Variants in ADAM19 observed in about 807,000 individuals in gnomAD.
ADAM19 encodes the protein ADAM metallopeptidase domain 19, also known as disintegrin and metalloproteinase domain-containing protein 19.
A neutral mutation model predicts 114.7 loss-of-function variants in ADAM19; 65 were observed. That is an observed-to-expected ratio of 0.57 (90% confidence interval 0.46 to 0.70). The LOEUF is 0.70. Ranked by LOEUF, ADAM19 falls within the 30% of genes least tolerant of loss-of-function variation. ADAM19 has a pLI of 0.00. For synonymous variants in ADAM19, 466 were observed against 460.5 expected (o/e 1.01, Z -0.15); for missense variants, 1,063 against 1,204.7 (o/e 0.88, Z 1.74).
chr5:157,545,695 T>C (rs1168859864), intron 3 of ADAM19, among the ~76,000 whole-genome samples: 1 of 152,210 alleles, frequency 6.6e-6, no homozygotes, highest in East Asian at 1.9e-4. Context: ...TTGCCCAGCA[T>C]CACACAGTTT....
At chr5:157,519,266 T>G (rs1399130123) in intron 6 of ADAM19, among the ~76,000 whole-genome samples, 3 of 152,242 alleles carry the variant, frequency 2.0e-5, no homozygotes, top group African/African-American at 7.2e-5. Context: ...GAGGACTGTG[T>G]GCATATGGTG....
chr5:157,565,948 AAAAT>A (rs1384824523), intron 2 of ADAM19: 1 of 151,964 alleles, frequency 6.6e-6, no homozygotes, highest in Non-Finnish European at 1.5e-5. Flanking sequence ...GTCTCTACTA[AAAAT>A]ATAAAAATTA....
rs10063366 is a variant in ADAM19, at chr5:157,491,934, C to T, written c.1909-22G>A. 1,463 of 1,612,922 alleles carry T rather than the reference C, an allele frequency of 9.1e-4. 11 individuals carry two copies. In the African/African-American group the frequency reaches 0.014, roughly 16 times the overall value. ...AAATCTGCACGGAGAGAAAACAGAA[C>T]GATCAGTGCAATGGGAGGGATGCTG... On this transcript the variant is annotated intron_variant, in intron 16 of 22. Transcript: ENST00000257527.
intron 1 of ADAM19, among the ~76,000 whole-genome samples, chr5:157,571,797 G>A (rs1376590070): frequency 1.3e-5 from 2 of 152,116 alleles, no homozygotes; most frequent in Non-Finnish European, 2.9e-5. Context: ...GTGGGATTCT[G>A]GGCATATTCT....
intron 3 of ADAM19, among the ~76,000 whole-genome samples, chr5:157,552,590 A>G (rs1757230759): frequency 6.7e-6 from 1 of 150,272 alleles, no homozygotes; most frequent in African/African-American, 2.4e-5. Flanking sequence ...GAGACAGGAG[A>G]ATTGCTTGAA....
intron 22 of ADAM19, 21 bp from the exon 23 acceptor site, chr5:157,481,023 G>T (rs1412588292): frequency 1.2e-6 from 2 of 1,614,032 alleles, no homozygotes; most frequent in East Asian, 2.2e-5. Context: ...AAAGAAGGGA[G>T]GGAGAGAGAC....
chr5:157,488,373 A>T lies in ADAM19; in HGVS notation c.2442T>A (p.Ala814=). ...ACCCGGGCCCTGGGGAGTTCCTAGCAGCCCTGCTCAGGTGAGCTGGCAGTG... is the reference window on the plus strand; with the variant it reads ...ACCCGGGCCCTGGGGAGTTCCTAGCTGCCCTGCTCAGGTGAGCTGGCAGTG... The part of the protein sequence containing the change: ...PAPLPAHLSR[A]ARNSPGPGSQ... Residue 814 remains alanine (A), a synonymous_variant, in exon 21 of 23, where the codon GCT becomes GCA. Transcript: ENST00000257527. 1.9e-6 allele frequency: 3 copies of T among 1,614,170 alleles called. No individual in the cohort carries two copies. The highest frequency in any genetic ancestry group is 1.7e-6 in the Non-Finnish European group (2 of 1,180,020).
chr5:157,505,532 G>T, intron 11 of ADAM19, 137 bp downstream of exon 11: 1 of 1,002,832 alleles, frequency 1.0e-6, no homozygotes, highest in Non-Finnish European at 1.4e-6. Flanking sequence ...CAATTTCTTT[G>T]TTGTAAAAAC....
At chr5:157,570,826 AG>A (rs2113801451) in intron 2 of ADAM19, 68 bp downstream of exon 2, 1 of 1,354,304 alleles carries the variant, frequency 7.4e-7, no homozygotes, top group South Asian at 1.2e-5. Context: ...ATTCTAAGAA[AG>A]TTGAGTAGGT....
intron 11 of ADAM19, 132 bp downstream of exon 11, chr5:157,505,536 TA>T: frequency 1.9e-6 from 2 of 1,076,788 alleles, no homozygotes; most frequent in Non-Finnish European, 2.6e-6. Context: ...TTCTTTGTTG[TA>T]AAAACTACAT....
Position 157,564,390 on chromosome 5 carries a change from C to G in ADAM19, c.234G>C (p.Leu78=). The change falls in exon 3 of 23, where the codon CTG becomes CTC. Residue 78 remains leucine (L), a synonymous_variant. Coordinates refer to ENST00000257527, the MANE Select transcript of ADAM19 (RefSeq NM_033274.5). ...CCACTTACTCATTCTTCTCCAGGTC[C>G]AGGATCAGTTCTCGCCCCTCAGCCA... The part of the protein sequence containing the change: ...RVMAEGRELI[L]DLEKNEQLFA... The G allele has an allele frequency of 6.2e-7, 1 of 1,614,168 alleles. No individual in the cohort carries two copies. The highest frequency in any genetic ancestry group is 8.5e-7 in the Non-Finnish European group (1 of 1,180,016).
chr5:157,489,918 C>T (rs532734628), intron 19 of ADAM19, among the ~76,000 whole-genome samples: 6 of 152,282 alleles, frequency 3.9e-5, no homozygotes, highest in Admixed American at 2.0e-4. Context: ...ACTCAGGAGG[C>T]GGAGGCTGCA....
intron 2 of ADAM19, chr5:157,566,180 G>A (rs538097781): frequency 1.2e-4 from 18 of 151,590 alleles, no homozygotes; most frequent in Admixed American, 5.3e-4. Context: ...GTTAGAGAAT[G>A]GTTAAATAAA....
chr5:157,561,211 C>T (rs1369112299), intron 3 of ADAM19, among the ~76,000 whole-genome samples: 1 of 152,226 alleles, frequency 6.6e-6, no homozygotes. Flanking sequence ...CTGCCGGCTG[C>T]CGCGCTATTG....
chr5:157,496,871 C>T (rs749065373), intron 14 of ADAM19, 23 bp downstream of exon 14: 25 of 1,521,746 alleles, frequency 1.6e-5, no homozygotes, highest in Non-Finnish European at 2.1e-5. Context: ...TGGGGAGAGC[C>T]GTGCTCCCCA....
At chr5:157,502,759 A>C (rs767557235) in intron 12 of ADAM19, 44 bp downstream of exon 12, 1 of 1,595,798 alleles carries the variant, frequency 6.3e-7, no homozygotes, top group Admixed American at 1.7e-5. Context: ...TTTGAAACCA[A>C]TGCAAATTCT....
At chr5:157,565,836 C>T (rs1408066935) in intron 2 of ADAM19, 2 of 151,960 alleles carry the variant, frequency 1.3e-5, no homozygotes, top group Non-Finnish European at 2.9e-5. Context: ...GGGCCAGGCG[C>T]AGTGGCTCAT....
At position 157,537,980 on chromosome 5, in the gene ADAM19, G is replaced by A. The variant is rs780334938; in HGVS notation, c.263C>T (p.Ala88Val). 4 of 1,613,788 alleles carry A rather than the reference G, an allele frequency of 2.5e-6. No homozygotes were observed. In the East Asian group the frequency reaches 8.9e-5, roughly 36 times the overall value. Residue 88 changes from alanine to valine, a missense_variant, in exon 4 of 23, where the codon GCT (alanine) becomes GTT (valine). Around this residue, in one of 3 missense-constraint regions of ADAM19, gnomAD observed 615 missense variants for 706.3 expected, o/e 0.87. Transcript: ENST00000257527. ...LDLEKNEQLF[A>V]PSYTETHYTS... ...ATAATGGGTTTCTGTGTAGGAAGGA[G>A]CAAAAAGTTGCCTGCAAAAAATAAA...
At chr5:157,534,000 G>A (rs1756694713) in intron 4 of ADAM19, among the ~76,000 whole-genome samples, 2 of 151,982 alleles carry the variant, frequency 1.3e-5, no homozygotes, top group African/African-American at 2.4e-5. Context: ...TGAAACCCAG[G>A]GATGGCTGTG....
Sources: allele counts gnomAD v4.1 joint callset (sites outside exome capture counted in the v4.1 genomes callset), GRCh38; gene constraint gnomAD v4.1.1; regional missense constraint gnomAD v4.1.1; transcripts MANE v1.5; gene names NCBI Gene and HGNC (gene_info 2026-07-23, HGNC 2026-07-21).